SRR: variants seen among roughly 807,000 people sequenced by gnomAD.
SRR encodes D-serine ammonia-lyase.
In SRR, 19 loss-of-function variants were observed where a neutral mutation model predicts 32.7. The ratio of observed to expected loss-of-function variants is 0.58; its 90% CI spans 0.40 to 0.85. The LOEUF is 0.85. Ranked by LOEUF, SRR falls within the 40% of genes least tolerant of loss-of-function variation. The pLI is 0.00. For missense variants in SRR, 373 were observed against 404.7 expected, an observed-to-expected ratio of 0.92 and a Z score of 0.67; for synonymous variants, 142 against 140.9, an observed-to-expected ratio of 1.01 and a Z score of -0.06.
chr17:2,303,492 G>T (rs1442884131), upstream of SRR: 5 of 1,329,074 alleles, frequency 3.8e-6, no homozygotes, highest in Non-Finnish European at 2.9e-6. Context: ...GGCAGCGAGG[G>T]TCCGCCGCGG....
At chr17:2,307,494 G>A (rs1273068135) in intron 1 of SRR, 5 of 1,435,582 alleles carry the variant, frequency 3.5e-6, no homozygotes, top group East Asian at 2.3e-5. Flanking sequence ...TGGCTATAAT[G>A]GATTTGGTAA....
At chr17:2,303,781 AC>A, upstream of SRR, 2 of 1,363,260 alleles carry the variant, frequency 1.5e-6, no homozygotes, top group Non-Finnish European at 9.7e-7. Flanking sequence ...CCAGGAAACC[AC>A]CACAGACGGG....
Position 2,323,783 on chromosome 17 carries a change from G to A in SRR, c.933G>A (p.Val311=). The change falls in exon 8 of 8, where the codon GTG becomes GTA. Residue 311 remains valine, a synonymous_variant. Transcript: ENST00000344595. ...VSPEVKNICI[V]LSGGNVDLTS... ...CAGAAGTAAAGAACATTTGTATTGTGCTCAGTGGTGGAAATGTAGACTTAA... is the reference window on the plus strand; with the variant it reads ...CAGAAGTAAAGAACATTTGTATTGTACTCAGTGGTGGAAATGTAGACTTAA... 6.2e-7 allele frequency: 1 copy of A among 1,614,180 alleles called. No homozygotes were observed. The highest frequency in any genetic ancestry group is 1.7e-5 in the Admixed American group (1 of 60,020).
chr17:2,316,389 C>A (rs2075472888), intron 2 of SRR, among the ~76,000 whole-genome samples: 1 of 152,196 alleles, frequency 6.6e-6, no homozygotes, highest in Non-Finnish European at 1.5e-5. Flanking sequence ...CAAACTAGGA[C>A]ATGTTTGGGA....
At chr17:2,318,619 A>ATTTTTTTTTTTTTTTT (rs35847724) in intron 3 of SRR, among the ~76,000 whole-genome samples, 2 of 92,550 alleles carry the variant, frequency 2.2e-5, no homozygotes, top group Non-Finnish European at 2.0e-5. Context: ...ATGCCTGGCT[A>ATTTTTTTTTTTTTTTT]TTTTTTTTTT....
At chr17:2,317,369 G>T (rs559151140) in intron 2 of SRR, among the ~76,000 whole-genome samples, 4 of 152,038 alleles carry the variant, frequency 2.6e-5, no homozygotes, top group African/African-American at 9.6e-5. Context: ...AAAATTAGCC[G>T]GGCGTGGTGG....
Position 2,324,971 on chromosome 17 carries a change from G to GTT in SRR, c.*1099_*1100insTT, listed in dbSNP as rs2075566744. 8 of 899,324 alleles carry GTT rather than the reference G, an allele frequency of 8.9e-6. No homozygotes were observed. The Admixed American group carries it at 2.5e-4, about 28-fold the overall frequency. 55.7% of individuals were successfully genotyped at this position (899,324 alleles called of 1,614,324 possible). A position where few individuals can be genotyped will look rare whatever the true frequency, so the allele number is the denominator to read the frequency against. On this transcript the variant is annotated 3_prime_UTR_variant, in exon 8 of 8. Transcript: ENST00000344595. The stretch of plus-strand genomic sequence containing the variant: ...AATCTGAGGCTAAGATTGGTAAACT[G>GTT]TAAGCCCACACTTAACCTTGTCAAT...
chr17:2,323,707 C>G lies in SRR; in HGVS notation c.857C>G (p.Ala286Gly). ...ATGAAACTACTCATTGAACCTACAG[C>G]TGGTGTTGGAGTGGCTGCTGTGCTG... ...ERMKLLIEPT[A>G]GVGVAAVLSQ... The change falls in exon 8 of 8, where the codon GCT (alanine) becomes GGT (glycine). Residue 286 changes from alanine to glycine, a missense_variant. Physicochemically the swap from Ala to Gly is moderately conservative, Grantham distance 60. Transcript: ENST00000344595. 6.2e-7 allele frequency: 1 copy of G among 1,614,186 alleles called. No individual in the cohort carries two copies. Among genetic ancestry groups the G allele is most frequent in the African/African-American group, 1.3e-5 (1 of 75,038 alleles).
intron 4 of SRR, among the ~76,000 whole-genome samples, chr17:2,319,465 T>C (rs1249470641): frequency 6.6e-6 from 1 of 152,106 alleles, no homozygotes; most frequent in Non-Finnish European, 1.5e-5. Context: ...CTTTATTTTT[T>C]GTAGACAGGG....
intron 3 of SRR, 57 bp downstream of exon 3, chr17:2,318,053 T>C: frequency 6.7e-7 from 1 of 1,495,636 alleles, no homozygotes; most frequent in Non-Finnish European, 9.0e-7. Flanking sequence ...AAAAGTGCCC[T>C]TAATTTCAGT....
intron 6 of SRR, chr17:2,322,374 T>C (rs1367069426): frequency 6.6e-6 from 1 of 152,310 alleles, no homozygotes; most frequent in Non-Finnish European, 1.5e-5. Flanking sequence ...GACAATCAGA[T>C]GTGATCCAGG....
At chr17:2,318,194 G>C (rs2075493469) in intron 3 of SRR, among the ~76,000 whole-genome samples, 198 bp downstream of exon 3, 1 of 152,154 alleles carries the variant, frequency 6.6e-6, no homozygotes, top group African/African-American at 2.4e-5. Flanking sequence ...ACCCAGGCTG[G>C]AGAGCGGTGA....
chr17:2,306,880 G>C, intron 1 of SRR: 1 of 909,750 alleles, frequency 1.1e-6, no homozygotes, highest in Non-Finnish European at 1.8e-6. Flanking sequence ...GGGAACACTC[G>C]CGGACTGTGT....
At chr17:2,316,231 A>G (rs2075471869) in intron 2 of SRR, among the ~76,000 whole-genome samples, 1 of 152,168 alleles carries the variant, frequency 6.6e-6, no homozygotes, top group Non-Finnish European at 1.5e-5. Context: ...TAACAGCTGG[A>G]TTTGTATAAG....
In SRR at chr17:2,325,210, TAC is replaced by T; in HGVS notation, c.*1338_*1339del. 1 of 897,048 alleles carries T rather than the reference TAC, an allele frequency of 1.1e-6. No homozygotes were observed. Among genetic ancestry groups the T allele is most frequent in the Admixed American group, 2.5e-5 (1 of 39,940 alleles). The allele number at this position is 897,048 out of a possible 1,614,324, so 55.6% of individuals were successfully genotyped here. A position where few individuals can be genotyped will look rare whatever the true frequency, so the allele number is the denominator to read the frequency against. On this transcript the variant is annotated 3_prime_UTR_variant, in exon 8 of 8. Coordinates refer to ENST00000344595, the MANE Select transcript of SRR (RefSeq NM_021947.3). ...TTGAAAACCATCATTACCTTCTCCA[TAC>T]CATTTGGCTCCCAAATTTAAATAAA...
chr17:2,321,360 C>T lies in SRR; in HGVS notation c.454C>T (p.His152Tyr). 2 of 1,613,144 alleles carry T rather than the reference C, an allele frequency of 1.2e-6. No individual in the cohort carries two copies. The highest frequency in any genetic ancestry group is 1.7e-6 in the Non-Finnish European group (2 of 1,179,712). Residue 152 changes from histidine (H) to tyrosine (Y), a missense_variant, in exon 5 of 8, where the codon CAT becomes TAT. Physicochemically the swap from His to Tyr is moderately conservative, Grantham distance 83. Coordinates refer to ENST00000344595, the MANE Select transcript of SRR (RefSeq NM_021947.3). ...AGAAGAAACAGAAGGCATCATGGTA[C>T]ATCCCAACCAGGAGCCTGCAGTGAT... ...VTEETEGIMV[H>Y]PNQEPAVIAG...
intron 1 of SRR, among the ~76,000 whole-genome samples, chr17:2,305,775 C>T (rs2075385421): frequency 6.6e-6 from 1 of 152,104 alleles, no homozygotes. Context: ...TCTTGGCTCA[C>T]TGCAACCTGC....
chr17:2,321,275 A>C (rs774798030), intron 4 of SRR, 31 bp from the exon 5 acceptor site: 5 of 1,609,452 alleles, frequency 3.1e-6, no homozygotes, highest in Non-Finnish European at 4.2e-6. Context: ...ATTAAATACA[A>C]ATCAATTAAG....
In SRR at chr17:2,323,786, C is replaced by A; in HGVS notation, c.936C>A (p.Leu312=). 6.2e-7 allele frequency: 1 copy of A among 1,614,154 alleles called. No homozygotes were observed. Among genetic ancestry groups the A allele is most frequent in the South Asian group, 1.1e-5 (1 of 91,070 alleles). The change falls in exon 8 of 8, where the codon CTC becomes CTA. Residue 312 remains leucine (L), a synonymous_variant. Transcript: ENST00000344595. ...AAGTAAAGAACATTTGTATTGTGCTCAGTGGTGGAAATGTAGACTTAACCT... is the reference window on the plus strand; with the variant it reads ...AAGTAAAGAACATTTGTATTGTGCTAAGTGGTGGAAATGTAGACTTAACCT... ...SPEVKNICIV[L]SGGNVDLTSS...
Sources: gnomAD v4.1 joint callset for allele counts (sites outside exome capture counted in the v4.1 genomes callset) on GRCh38, gnomAD v4.1.1 for gene constraint, MANE v1.5 for transcripts, NCBI Gene and HGNC (gene_info 2026-07-23, HGNC 2026-07-21) for gene names.